The following CEP152 variants were observed in gnomAD, a reference collection of about 807,000 sequenced individuals.
The protein encoded by CEP152 is centrosomal protein 152.
CEP152 carries 132 observed loss-of-function variants against 188.9 expected under a neutral mutation model. The ratio of observed to expected loss-of-function variants is 0.70; its 90% CI spans 0.61 to 0.81. The LOEUF is 0.81. CEP152 is among the 30% of genes least tolerant of loss of function. The probability of loss-of-function intolerance (pLI) is 0.00; values close to 1 mark genes in which losing one functional copy is unlikely to be tolerated. For missense variants in CEP152, 1,914 were observed against 1,969.8 expected (o/e 0.97, Z 0.54); for synonymous variants, 649 against 666.6 (o/e 0.97, Z 0.41).
intron 20 of CEP152, 68 bp downstream of exon 20, chr15:48,755,835 A>G: frequency 6.3e-7 from 1 of 1,599,930 alleles, no homozygotes; most frequent in Non-Finnish European, 8.5e-7. Context: ...AAAAAGGAAA[A>G]AACACTATAT....
intron 2 of CEP152, 31 bp downstream of exon 2, chr15:48,805,532 T>G (rs1297529347): frequency 2.0e-6 from 3 of 1,522,822 alleles, no homozygotes; most frequent in Non-Finnish European, 2.6e-6. Context: ...GGGTTTAGTG[T>G]CTCTTTTTTT....
rs1460837430 is a variant in CEP152 at position 48,756,094 on chromosome 15, C to T, written c.3154G>A (p.Val1052Ile). The T allele has an allele frequency of 3.1e-6, 5 of 1,614,080 alleles. No homozygotes were observed. Among genetic ancestry groups the T allele is most frequent in the East Asian group, 2.2e-5 (1 of 44,872 alleles). Reference sequence around the variant, plus strand: ...TCCTTTTGGGTATCACTTAAAAGAACCCCAAGTACAGTCAGGATGTCTTCC... The same window carrying T: ...TCCTTTTGGGTATCACTTAAAAGAATCCCAAGTACAGTCAGGATGTCTTCC... ...YEEDILTVLG[V>I]LLSDTQKEHI... Residue 1052 changes from valine (V) to isoleucine (I), a missense_variant, in exon 20 of 27, where the codon GTT (valine) becomes ATT (isoleucine). By Grantham distance (29) the Val-to-Ile change is conservative. Coordinates refer to ENST00000380950, the MANE Select transcript of CEP152 (RefSeq NM_001194998.2).
Position 48,760,216 on chromosome 15 carries a change from T to A in CEP152, c.2613A>T (p.Pro871=). Residue 871 remains proline, a synonymous_variant, in exon 19 of 27, where the codon CCA becomes CCT. Transcript: ENST00000380950. ...CAAGTGCTTGATACTCTGCCAGCTCTGGTAGTTCTCCCAGCCATCGCTGAT... is the reference window on the plus strand; with the variant it reads ...CAAGTGCTTGATACTCTGCCAGCTCAGGTAGTTCTCCCAGCCATCGCTGAT... ...NAHQRWLGEL[P]ELAEYQALVK... is the part of the protein sequence containing the mutation. 1 of 1,614,106 alleles carries A rather than the reference T, an allele frequency of 6.2e-7. No homozygotes were observed. Among genetic ancestry groups the A allele is most frequent in the Non-Finnish European group, 8.5e-7 (1 of 1,179,958 alleles).
chr15:48,739,374 T>C, intron 26 of CEP152, 86 bp from the exon 27 acceptor site: 1 of 1,451,644 alleles, frequency 6.9e-7, no homozygotes, highest in East Asian at 2.5e-5. Flanking sequence ...TAAAAAAAAT[T>C]AAAAATAAGA....
intron 2 of CEP152, among the ~76,000 whole-genome samples, 186 bp from the exon 3 acceptor site, chr15:48,798,237 A>C (rs543772779): frequency 6.6e-6 from 1 of 151,704 alleles, no homozygotes; most frequent in South Asian, 2.1e-4. Flanking sequence ...GGGAATGCAT[A>C]ATTTTAGGAT....
chr15:48,793,037 G>C (rs944210152), intron 7 of CEP152, among the ~76,000 whole-genome samples: 1 of 152,084 alleles, frequency 6.6e-6, no homozygotes, highest in Non-Finnish European at 1.5e-5. Flanking sequence ...GGCCAGGCTG[G>C]TTTTGAACTC....
At chr15:48,746,398 G>A (rs1893426998) in intron 22 of CEP152, among the ~76,000 whole-genome samples, 1 of 151,998 alleles carries the variant, frequency 6.6e-6, no homozygotes. Flanking sequence ...AAAACAAATT[G>A]TCTTGGTTTT....
chr15:48,791,199 T>C, intron 8 of CEP152, 38 bp downstream of exon 8: 1 of 1,579,352 alleles, frequency 6.3e-7, no homozygotes, highest in Non-Finnish European at 8.6e-7. Flanking sequence ...ATAACTAAAC[T>C]TTTAATTTTT....
chr15:48,791,518 TAGAGA>T, intron 7 of CEP152, 142 bp from the exon 8 acceptor site: 1 of 747,574 alleles, frequency 1.3e-6, no homozygotes, highest in African/African-American at 1.8e-5. Flanking sequence ...TTAGTTGATT[TAGAGA>T]AAACTAAATA....
chr15:48,749,169 T>C (rs914124459), intron 21 of CEP152, among the ~76,000 whole-genome samples: 1 of 152,082 alleles, frequency 6.6e-6, no homozygotes, highest in Non-Finnish European at 1.5e-5. Flanking sequence ...AATAATTTTA[T>C]GAATGGTAGG....
chr15:48,752,813 T>G (rs1292248480), intron 20 of CEP152, among the ~76,000 whole-genome samples: 1 of 152,242 alleles, frequency 6.6e-6, no homozygotes, highest in Non-Finnish European at 1.5e-5. Flanking sequence ...AAATCAGAAT[T>G]GTTCTTGAAA....
In CEP152 at chr15:48,797,340, A is replaced by C. The variant is rs577363889; in HGVS notation, c.501T>G (p.Asn167Lys). 6.8e-6 allele frequency: 11 copies of C among 1,613,940 alleles called. No individual in the cohort carries two copies. In the East Asian group the frequency reaches 1.3e-4, roughly 20 times the overall value. Residue 167 changes from asparagine (N) to lysine (K), a missense_variant, in exon 5 of 27, where the codon AAT becomes AAG. Asn to Lys is a moderately conservative substitution (Grantham distance 94, BLOSUM62 0). Coordinates refer to ENST00000380950, the MANE Select transcript of CEP152 (RefSeq NM_001194998.2). ...ATTGAGGATCTGAAAATTTAATTAC[A>C]TTGGTTGCTTGGTTATTAAATTCCT... ...QKQEFNNQATNVIKFSDPQWN... is the reference protein window; with the variant it reads ...QKQEFNNQATKVIKFSDPQWN...
chr15:48,786,861 T>G (rs1896672497), intron 9 of CEP152, among the ~76,000 whole-genome samples: 1 of 151,918 alleles, frequency 6.6e-6, no homozygotes, highest in Admixed American at 6.6e-5. Flanking sequence ...GACAACAGAG[T>G]AATGCAGTGG....
At chr15:48,783,897 G>A in intron 10 of CEP152, 76 bp downstream of exon 10, 3 of 1,495,976 alleles carry the variant, frequency 2.0e-6, no homozygotes, top group Non-Finnish European at 2.8e-6. Context: ...ATTTTTACAA[G>A]TCATGGATCC....
chr15:48,773,830 T>A (rs1182129132), intron 12 of CEP152, among the ~76,000 whole-genome samples: 4 of 152,104 alleles, frequency 2.6e-5, no homozygotes, highest in African/African-American at 2.4e-5. Flanking sequence ...ACAGTATTTT[T>A]AAAAATACAG....
At chr15:48,808,686 G>C (rs1185410549) in intron 1 of CEP152, among the ~76,000 whole-genome samples, 1 of 151,892 alleles carries the variant, frequency 6.6e-6, no homozygotes, top group Non-Finnish European at 1.5e-5. Context: ...TGACTATTTT[G>C]TATTTTGTAT....
rs750800734 is a variant in CEP152 at position 48,797,745 on chromosome 15, A to G, written c.192-15T>C. ...GATGATGTGGTCTCGAGAAAAAGGA[A>G]TACTTTCGATTTAAAGCGTATCATT... On this transcript the variant is annotated splice_polypyrimidine_tract_variant and intron_variant, in intron 3 of 26. Transcript: ENST00000380950. 4 of 1,613,278 alleles carry G rather than the reference A, an allele frequency of 2.5e-6. No individual in the cohort carries two copies. The highest frequency in any genetic ancestry group is 2.2e-5 in the South Asian group (2 of 91,050).
At chr15:48,788,533 C>T (rs541154858) in intron 9 of CEP152, among the ~76,000 whole-genome samples, 174 of 149,758 alleles carry the variant, frequency 1.2e-3, no homozygotes, top group African/African-American at 4.0e-3. Context: ...ATAGTAGAGA[C>T]GGGGTTTCAC....
chr15:48,769,748 A>G (rs893512550), intron 13 of CEP152, among the ~76,000 whole-genome samples: 6 of 152,164 alleles, frequency 3.9e-5, no homozygotes, highest in African/African-American at 7.2e-5. Flanking sequence ...CTATTTCTGT[A>G]TGTATTCATT....
Sources: gnomAD v4.1 joint callset for allele counts (sites outside exome capture counted in the v4.1 genomes callset) on GRCh38, gnomAD v4.1.1 for gene constraint, MANE v1.5 for transcripts, NCBI Gene and HGNC (gene_info 2026-07-23, HGNC 2026-07-21) for gene names.